The following SLC6A19 variants were observed in gnomAD, a reference collection of about 807,000 sequenced individuals.
The protein encoded by SLC6A19 is solute carrier family 6 member 19, also known as sodium-dependent neutral amino acid transporter B(0)AT1.
SLC6A19 carries 67 observed loss-of-function variants against 68.3 expected under a neutral mutation model. The ratio of observed to expected loss-of-function variants is 0.98; its 90% confidence interval spans 0.81 to 1.20. The LOEUF is 1.20. SLC6A19 is among the 50% of genes most tolerant of loss of function. The probability of loss-of-function intolerance (pLI) is 0.00; values close to 1 mark genes in which losing one functional copy is unlikely to be tolerated. For synonymous variants in SLC6A19, 392 were observed against 374.9 expected, an observed-to-expected ratio of 1.05 and a Z score of -0.53; for missense variants, 813 against 851.6, an observed-to-expected ratio of 0.95 and a Z score of 0.56.
chr5:1,205,530 G>C (rs1329204137), intron 1 of SLC6A19, among the ~76,000 whole-genome samples: 1 of 152,240 alleles, frequency 6.6e-6, no homozygotes, highest in Non-Finnish European at 1.5e-5. Context: ...CCTTCAGAAA[G>C]GAGAGCCACC....
intron 5 of SLC6A19, 29 bp from the exon 6 acceptor site, chr5:1,213,924 G>A (rs1195193882): frequency 1.2e-6 from 2 of 1,611,296 alleles, no homozygotes; most frequent in African/African-American, 1.3e-5. Flanking sequence ...TCTGCACCAT[G>A]AGTGGCTGAG....
At chr5:1,210,644 G>A in intron 3 of SLC6A19, 63 bp downstream of exon 3, 1 of 1,602,700 alleles carries the variant, frequency 6.2e-7, no homozygotes, top group South Asian at 1.1e-5. Context: ...CTCATAGCAG[G>A]CACATGGCCT....
At chr5:1,211,791 A>T (rs1433394461) in intron 3 of SLC6A19, among the ~76,000 whole-genome samples, 2 of 150,120 alleles carry the variant, frequency 1.3e-5, no homozygotes, top group African/African-American at 5.0e-5. Flanking sequence ...GCATGTGAGC[A>T]TGTGTGCCTG....
At chr5:1,205,657 G>A (rs1016202054) in intron 1 of SLC6A19, among the ~76,000 whole-genome samples, 1 of 152,260 alleles carries the variant, frequency 6.6e-6, no homozygotes, top group Non-Finnish European at 1.5e-5. Flanking sequence ...GAGCATTTAG[G>A]GTTAGGGCAT....
chr5:1,203,250 G>A lies in SLC6A19; in HGVS notation c.202+1398G>A, dbSNP rs541444281. Among the ~76,000 whole-genome samples the A allele has an allele frequency of 1.4e-3, 211 of 152,298 alleles. 2 individuals carry two copies. Among genetic ancestry groups the A allele is most frequent in the Non-Finnish European group, 2.1e-3 (145 of 68,024 alleles). On this transcript the variant is annotated intron_variant, in intron 1 of 11. Transcript: ENST00000304460. ...CACAGAAGGGCAAGTTCTAAGATGC[G>A]GGCTTGGGCAGGAATCTGATGGGGC...
rs577259516 is a variant in SLC6A19, at chr5:1,212,141, C to T, written c.482-162C>T. ...TGTGCTGTGTGCGTGCATGCATGTGCGTGCACGTGAGCATGTGTGCCTGTG... is the reference window on the plus strand; with the variant it reads ...TGTGCTGTGTGCGTGCATGCATGTGTGTGCACGTGAGCATGTGTGCCTGTG... On this transcript the variant is annotated intron_variant, in intron 3 of 11. Coordinates refer to ENST00000304460, the MANE Select transcript of SLC6A19 (RefSeq NM_001003841.3). The surrounding 1 kb of genome is among the most constrained non-coding windows in gnomAD (Gnocchi z 5.1). Among the ~76,000 whole-genome samples, 16 of 148,672 alleles carry T rather than the reference C, an allele frequency of 1.1e-4. No homozygotes were observed. Among genetic ancestry groups the T allele is most frequent in the East Asian group, 1.0e-3 (5 of 4,966 alleles).
intron 10 of SLC6A19, among the ~76,000 whole-genome samples, chr5:1,220,922 G>A (rs1019229953): frequency 2.0e-5 from 3 of 152,194 alleles, no homozygotes; most frequent in Non-Finnish European, 4.4e-5. Context: ...TGGGCAAGCC[G>A]TCGAGCACTG....
At chr5:1,206,543 G>A (rs558125264) in intron 1 of SLC6A19, among the ~76,000 whole-genome samples, 5 of 152,294 alleles carry the variant, frequency 3.3e-5, no homozygotes, top group East Asian at 1.9e-4. Flanking sequence ...GAAGGGAGGC[G>A]ATGGGGATGG....
In SLC6A19 at chr5:1,209,960, T is replaced by G. The variant is rs1053121163; in HGVS notation, c.344-484T>G. On this transcript the variant is annotated intron_variant, in intron 2 of 11. Transcript: ENST00000304460. This position sits in a 1 kb window ranked among gnomAD's most constrained non-coding sequence, Gnocchi z 5.5. The stretch of plus-strand genomic sequence containing the variant: ...GCAGTTTCTGTTGTCTCCCCTCTCA[T>G]GAGTCCTCCACAGGGAAGGCTTTCC... Among the ~76,000 whole-genome samples, 1 of 152,262 alleles carries G rather than the reference T, an allele frequency of 6.6e-6. No homozygotes were observed. Among genetic ancestry groups the G allele is most frequent in the Non-Finnish European group, 1.5e-5 (1 of 68,038 alleles).
chr5:1,212,497 C>A lies in SLC6A19; in HGVS notation c.663+13C>A. The A allele has an allele frequency of 6.2e-7, 1 of 1,604,802 alleles. No individual in the cohort carries two copies. The highest frequency in any genetic ancestry group is 8.5e-7 in the Non-Finnish European group (1 of 1,179,718). On this transcript the variant is annotated intron_variant, in intron 4 of 11. Coordinates refer to ENST00000304460, the MANE Select transcript of SLC6A19 (RefSeq NM_001003841.3). The surrounding 1 kb of genome is among the most constrained non-coding windows in gnomAD (Gnocchi z 5.1). ...GACCACCGGGAAGGTACTGCATGGG[C>A]CCGGCCAGGCTGCAGGTGCTCCAGA...
rs199590778 is a variant in SLC6A19, at chr5:1,216,508, C to T, written c.888-50C>T. On this transcript the variant is annotated intron_variant, in intron 6 of 11. Transcript: ENST00000304460. ...TGCGGATGCTGCCCTGGGCTGTGTC[C>T]TGACCTGGGACCTCATCGCCAGCCG... The T allele has an allele frequency of 5.1e-5, 82 of 1,613,040 alleles. No homozygotes were observed. The African/African-American group carries it at 9.5e-4, about 19-fold the overall frequency.
At chr5:1,221,070 C>G (rs1056031467) in intron 10 of SLC6A19, 81 bp from the exon 11 acceptor site, 3 of 1,544,926 alleles carry the variant, frequency 1.9e-6, no homozygotes, top group Admixed American at 1.9e-5. Context: ...ACCATCTGTT[C>G]GGGTAGCAGA....
intron 5 of SLC6A19, 111 bp from the exon 6 acceptor site, chr5:1,213,842 C>A (rs1012703410): frequency 2.7e-5 from 42 of 1,560,698 alleles, no homozygotes; most frequent in Admixed American, 3.4e-5. Context: ...CCTGGCCTGT[C>A]CTGACCACCC....
Position 1,221,771 on chromosome 5 carries a change from G to A in SLC6A19, c.1772G>A (p.Gly591Glu). The A allele has an allele frequency of 6.2e-7, 1 of 1,614,154 alleles. No individual in the cohort carries two copies. The highest frequency in any genetic ancestry group is 2.2e-5 in the East Asian group (1 of 44,884). ...WVYVVVVIVA[G>E]VPSLTIPGYA... ...TATGTGGTGGTGGTGATTGTGGCTGGAGTGCCCTCCCTCACCATCCCTGGC... is the reference window on the plus strand; with the variant it reads ...TATGTGGTGGTGGTGATTGTGGCTGAAGTGCCCTCCCTCACCATCCCTGGC... Residue 591 changes from glycine (G) to glutamate (E), a missense_variant, in exon 12 of 12, where the codon GGA becomes GAA. Transcript: ENST00000304460.
intron 5 of SLC6A19, 35 bp from the exon 6 acceptor site, chr5:1,213,918 C>T: frequency 2.5e-6 from 4 of 1,610,840 alleles, no homozygotes; most frequent in Non-Finnish European, 3.4e-6. Context: ...GCCCCATCTG[C>T]ACCATGAGTG....
chr5:1,210,459 T>A lies in SLC6A19; in HGVS notation c.359T>A (p.Leu120His). The A allele has an allele frequency of 6.2e-7, 1 of 1,613,278 alleles. No individual in the cohort carries two copies. Among genetic ancestry groups the A allele is most frequent in the South Asian group, 1.1e-5 (1 of 91,088 alleles). The change falls in exon 3 of 12, where the codon CTC (leucine) becomes CAC (histidine). Residue 120 changes from leucine (L) to histidine (H), a missense_variant. Leu to His is a moderately conservative substitution (Grantham distance 99, BLOSUM62 -3). Coordinates refer to ENST00000304460, the MANE Select transcript of SLC6A19 (RefSeq NM_001003841.3). ...ALKGLGLASM[L>H]TSFMVGLYYN... ...CTCCCTGCAGGCCTGGCCTCCATGC[T>A]CACGTCCTTCATGGTGGGACTGTAT...
intron 1 of SLC6A19, among the ~76,000 whole-genome samples, chr5:1,208,262 A>G (rs1010798555): frequency 6.6e-6 from 1 of 152,098 alleles, no homozygotes; most frequent in Non-Finnish European, 1.5e-5. Context: ...TGCCAAATCC[A>G]CAGAACGTTC....
At chr5:1,202,803 T>C (rs555738641) in intron 1 of SLC6A19, among the ~76,000 whole-genome samples, 1 of 152,186 alleles carries the variant, frequency 6.6e-6, no homozygotes, top group African/African-American at 2.4e-5. Flanking sequence ...GATGTGAAGG[T>C]TTTTAAAGAA....
Position 1,209,759 on chromosome 5 carries a change from C to G in SLC6A19, c.344-685C>G, listed in dbSNP as rs1029160042. On this transcript the variant is annotated intron_variant, in intron 2 of 11. Coordinates refer to ENST00000304460, the MANE Select transcript of SLC6A19 (RefSeq NM_001003841.3). This position sits in a 1 kb window ranked among gnomAD's most constrained non-coding sequence, Gnocchi z 5.5. The stretch of plus-strand genomic sequence containing the variant: ...CCCTCCTATTCTCTCTGTCTCTTCC[C>G]TCTTCTCTCTCTTCCCCTATCTCCG... Among the ~76,000 whole-genome samples, 3 of 151,466 alleles carry G rather than the reference C, an allele frequency of 2.0e-5. No individual in the cohort carries two copies. The highest frequency in any genetic ancestry group is 4.9e-5 in the African/African-American group (2 of 41,168).
Sources: gnomAD v4.1 joint callset for allele counts (sites outside exome capture counted in the v4.1 genomes callset) on GRCh38, gnomAD v4.1.1 for gene constraint, Gnocchi (gnomAD v3.1) non-coding constraint, MANE v1.5 for transcripts, NCBI Gene and HGNC (gene_info 2026-07-23, HGNC 2026-07-21) for gene names.